Variants in HS2ST1 observed in about 807,000 individuals in gnomAD.
HS2ST1 encodes the protein heparan sulfate 2-O-sulfotransferase 1, also known as 2-O-sulfotransferase.
HS2ST1 carries 18 observed loss-of-function variants against 42.9 expected under a neutral mutation model. That is an observed-to-expected ratio of 0.42 (90% confidence interval 0.29 to 0.62). The LOEUF is 0.62. HS2ST1 is among the 20% of genes least tolerant of loss of function. The pLI, the probability that HS2ST1 is intolerant of heterozygous loss-of-function variation, is 0.21. For synonymous variants in HS2ST1, 146 were observed against 152.9 expected (o/e 0.95, Z 0.33); for missense variants, 334 against 433.8 (o/e 0.77, Z 2.04).
intron 1 of HS2ST1, among the ~76,000 whole-genome samples, chr1:87,027,028 A>G (rs1474137837): frequency 6.6e-6 from 1 of 152,182 alleles, no homozygotes; most frequent in East Asian, 1.9e-4. Flanking sequence ...TATGTATAGA[A>G]ACAATTTCTT....
intron 3 of HS2ST1, among the ~76,000 whole-genome samples, chr1:87,088,858 C>T (rs1651874235): frequency 9.2e-5 from 14 of 151,984 alleles, no homozygotes; most frequent in Admixed American, 9.2e-4. Flanking sequence ...ACCAACAGGT[C>T]ATTCACTTTT....
intron 3 of HS2ST1, among the ~76,000 whole-genome samples, chr1:87,085,860 G>A (rs1300403760): frequency 6.6e-6 from 1 of 152,112 alleles, no homozygotes; most frequent in African/African-American, 2.4e-5. Context: ...TGAGGTTCTT[G>A]TAGTTGAAAA....
At chr1:87,016,748 C>T (rs571463490) in intron 1 of HS2ST1, among the ~76,000 whole-genome samples, 4 of 152,302 alleles carry the variant, frequency 2.6e-5, no homozygotes, top group African/African-American at 7.2e-5. Flanking sequence ...CCCGTGCCCC[C>T]ATTCTACCTT....
At chr1:87,084,002 A>G (rs957561967) in intron 2 of HS2ST1, among the ~76,000 whole-genome samples, 192 bp from the exon 3 acceptor site, 2 of 152,192 alleles carry the variant, frequency 1.3e-5, no homozygotes, top group Admixed American at 1.3e-4. Context: ...TTGTGAGTAT[A>G]ATGATAGTAG....
rs1336932172 is a variant in HS2ST1, at chr1:86,925,806, C to G, written c.124+10646C>G. Among the ~76,000 whole-genome samples, 4 of 152,262 alleles carry G rather than the reference C, an allele frequency of 2.6e-5. No homozygotes were observed. In the East Asian group the frequency reaches 5.8e-4, roughly 22 times the overall value. On this transcript the variant is annotated intron_variant, in intron 1 of 6. Coordinates refer to ENST00000370550, the MANE Select transcript of HS2ST1 (RefSeq NM_012262.4). ...AACAAGTGGAATATTGTTATAATAACTCTTTCTGGTGCTGTTGTCTACTAA... is the reference window on the plus strand; with the variant it reads ...AACAAGTGGAATATTGTTATAATAAGTCTTTCTGGTGCTGTTGTCTACTAA...
At chr1:86,983,797 C>G (rs1231706934) in intron 1 of HS2ST1, among the ~76,000 whole-genome samples, 1 of 151,700 alleles carries the variant, frequency 6.6e-6, no homozygotes, top group East Asian at 1.9e-4. Context: ...AATCCCAGCC[C>G]TTTGGGAGGC....
chr1:86,933,315 T>G lies in HS2ST1; in HGVS notation c.124+18155T>G, dbSNP rs1174200848. On this transcript the variant is annotated intron_variant, in intron 1 of 6. Coordinates refer to ENST00000370550, the MANE Select transcript of HS2ST1 (RefSeq NM_012262.4). Reference sequence around the variant, plus strand: ...TATCCATAGTTACACCTTTTGTAATTGTCCAACAGTTCTTAAATATTCTGT... The same window carrying G: ...TATCCATAGTTACACCTTTTGTAATGGTCCAACAGTTCTTAAATATTCTGT... 2.0e-5 allele frequency among the ~76,000 whole-genome samples: 3 copies of G among 152,212 alleles called. No homozygotes were observed. The East Asian group carries it at 5.8e-4, about 29-fold the overall frequency.
chr1:86,941,696 A>G (rs1316014491), intron 1 of HS2ST1, among the ~76,000 whole-genome samples: 1 of 151,686 alleles, frequency 6.6e-6, no homozygotes, highest in Non-Finnish European at 1.5e-5. Context: ...GTGGGCTTGA[A>G]CCCGGGAGAC....
chr1:86,994,216 CATT>C (rs1395231849), intron 1 of HS2ST1, among the ~76,000 whole-genome samples: 1 of 152,190 alleles, frequency 6.6e-6, no homozygotes, highest in African/African-American at 2.4e-5. Flanking sequence ...ATCATTTCAT[CATT>C]ATATAATCCA....
chr1:86,986,813 C>T (rs1371545993), intron 1 of HS2ST1, among the ~76,000 whole-genome samples: 1 of 152,118 alleles, frequency 6.6e-6, no homozygotes, highest in Non-Finnish European at 1.5e-5. Context: ...CCTAGTGGGA[C>T]TCGTTTTAGT....
At position 86,914,968 on chromosome 1, in the gene HS2ST1, G is replaced by A. The variant is rs1016862524; in HGVS notation, c.-69G>A. 5.0e-6 allele frequency: 8 copies of A among 1,593,872 alleles called. No homozygotes were observed. Among genetic ancestry groups the A allele is most frequent in the African/African-American group, 2.7e-5 (2 of 74,402 alleles). On this transcript the variant is annotated 5_prime_UTR_variant, in exon 1 of 7. Transcript: ENST00000370550. ...CCCGGCTCGGCGGGCTCCTCCCGGCGTCTCTCTCGCCTCCGGGGTCCCGCT... is the reference window on the plus strand; with the variant it reads ...CCCGGCTCGGCGGGCTCCTCCCGGCATCTCTCTCGCCTCCGGGGTCCCGCT...
chr1:87,020,426 A>G (rs755925541), intron 1 of HS2ST1, among the ~76,000 whole-genome samples: 2 of 152,214 alleles, frequency 1.3e-5, no homozygotes, highest in Non-Finnish European at 2.9e-5. Flanking sequence ...AATGAATGGG[A>G]AAAACCACTT....
intron 1 of HS2ST1, among the ~76,000 whole-genome samples, chr1:86,939,815 A>G (rs893028305): frequency 6.6e-6 from 1 of 152,240 alleles, no homozygotes; most frequent in Non-Finnish European, 1.5e-5. Flanking sequence ...TTCTAAAATG[A>G]GCAGTGTTAA....
At chr1:87,012,867 C>T (rs966198958) in intron 1 of HS2ST1, among the ~76,000 whole-genome samples, 4 of 152,192 alleles carry the variant, frequency 2.6e-5, no homozygotes, top group African/African-American at 7.2e-5. Context: ...CATGCAAGTC[C>T]GAAATCCAGT....
At chr1:87,097,644 G>A (rs970646156) in intron 4 of HS2ST1, among the ~76,000 whole-genome samples, 194 bp from the exon 5 acceptor site, 2 of 152,010 alleles carry the variant, frequency 1.3e-5, no homozygotes, top group Admixed American at 6.6e-5. Context: ...TGCCCGCCTC[G>A]GCCTCCCAAA....
chr1:87,032,336 T>A (rs1650260179), intron 1 of HS2ST1, among the ~76,000 whole-genome samples: 1 of 152,178 alleles, frequency 6.6e-6, no homozygotes, highest in African/African-American at 2.4e-5. Flanking sequence ...TGGGTGAGAA[T>A]TAATCTATTT....
At chr1:87,074,479 A>T (rs569083729) in intron 2 of HS2ST1, among the ~76,000 whole-genome samples, 4 of 152,340 alleles carry the variant, frequency 2.6e-5, no homozygotes, top group Non-Finnish European at 5.9e-5. Flanking sequence ...TTTTAGAAAA[A>T]TAATGTTAAT....
intron 1 of HS2ST1, among the ~76,000 whole-genome samples, chr1:86,995,696 T>G (rs572578969): frequency 1.3e-5 from 2 of 152,338 alleles, no homozygotes; most frequent in African/African-American, 4.8e-5. Context: ...TGTCAGTAAC[T>G]GGTAGATAAA....
chr1:86,930,207 T>C (rs1331641254), intron 1 of HS2ST1, among the ~76,000 whole-genome samples: 3 of 151,866 alleles, frequency 2.0e-5, no homozygotes, highest in Non-Finnish European at 4.4e-5. Context: ...ATTTGAAGAG[T>C]AGAGCAGTGA....
Sources: allele counts gnomAD v4.1 joint callset (sites outside exome capture counted in the v4.1 genomes callset), GRCh38; gene constraint gnomAD v4.1.1; transcripts MANE v1.5; gene names NCBI Gene and HGNC (gene_info 2026-07-23, HGNC 2026-07-21).